The following GLE1 variants were observed in gnomAD, a reference collection of about 807,000 sequenced individuals.
GLE1 encodes GLE1 RNA export mediator, also known as mRNA export factor GLE1.
In GLE1, 78 loss-of-function variants were observed where a neutral mutation model predicts 97.3. That is an observed-to-expected ratio of 0.80 (90% CI 0.67 to 0.97). GLE1 has a LOEUF of 0.97. GLE1 is among the 50% of genes least tolerant of loss of function. The pLI, the probability that GLE1 is intolerant of heterozygous loss-of-function variation, is 0.00. For synonymous variants in GLE1, 302 were observed against 313.4 expected (o/e 0.96, Z 0.39); for missense variants, 753 against 857.5 (o/e 0.88, Z 1.52).
intron 3 of GLE1, among the ~76,000 whole-genome samples, chr9:128,520,283 T>C (rs1847105092): frequency 6.7e-6 from 1 of 150,172 alleles, no homozygotes; most frequent in Non-Finnish European, 1.5e-5. Flanking sequence ...TATATGTGTG[T>C]ATATATATGT....
rs748234813 is a variant in GLE1, at chr9:128,533,784, C to A, written c.1479C>A (p.Ala493=). The A allele has an allele frequency of 4.1e-5, 66 of 1,613,988 alleles. 1 individual carries two copies. In the South Asian group the frequency reaches 6.1e-4, roughly 15 times the overall value. ...AGAAACAAGGCGAGGAGGAAGTGGC[C>A]TCTCACCATGAAGCAGCATTCCCCA... is the stretch of plus-strand genomic sequence containing the variant. The part of the protein sequence containing the change: ...KFVKQGEEEV[A]SHHEAAFPIA... The change falls in exon 11 of 16, where the codon GCC becomes GCA. Residue 493 remains alanine, a synonymous_variant. Coordinates refer to ENST00000309971, the MANE Select transcript of GLE1 (RefSeq NM_001003722.2).
At chr9:128,535,698 T>C (rs979001935) in intron 11 of GLE1, among the ~76,000 whole-genome samples, 1 of 151,984 alleles carries the variant, frequency 6.6e-6, no homozygotes, top group East Asian at 1.9e-4. Flanking sequence ...GGCAGGTGCC[T>C]TAATCACAGC....
intron 2 of GLE1, among the ~76,000 whole-genome samples, chr9:128,509,811 T>G (rs1049095962): frequency 2.6e-5 from 4 of 151,584 alleles, no homozygotes; most frequent in Non-Finnish European, 5.9e-5. Context: ...ACTTAAAAAT[T>G]GGCTAGGCAT....
intron 3 of GLE1, among the ~76,000 whole-genome samples, chr9:128,521,523 G>C (rs1847151896): frequency 6.6e-6 from 1 of 152,090 alleles, no homozygotes; most frequent in Non-Finnish European, 1.5e-5. Context: ...GACAGGGTGA[G>C]ACCCTGTCTC....
Position 128,533,925 on chromosome 9 carries a change from G to T in GLE1, c.1620G>T (p.Glu540Asp). Residue 540 changes from glutamate to aspartate, a missense_variant, in exon 11 of 16, where the codon GAG becomes GAT. By Grantham distance (45) the Glu-to-Asp change is conservative (BLOSUM62 2). Coordinates refer to ENST00000309971, the MANE Select transcript of GLE1 (RefSeq NM_001003722.2). ...YSVPFYPTFKEGMALEDYQRM... is the reference protein window; with the variant it reads ...YSVPFYPTFKDGMALEDYQRM... ...TTCCTTTCTATCCCACTTTCAAGGA[G>T]GGAATGGCTTTGGAAGACTATCAGA... is the stretch of plus-strand genomic sequence containing the variant. 1 of 1,612,554 alleles carries T rather than the reference G, an allele frequency of 6.2e-7. No individual in the cohort carries two copies. The highest frequency in any genetic ancestry group is 8.5e-7 in the Non-Finnish European group (1 of 1,178,560).
At chr9:128,527,808 A>G (rs911316177) in intron 9 of GLE1, among the ~76,000 whole-genome samples, 2 of 151,570 alleles carry the variant, frequency 1.3e-5, no homozygotes, top group Non-Finnish European at 2.9e-5. Context: ...TACTAAAAAT[A>G]CAAATACTAG....
intron 14 of GLE1, chr9:128,540,001 C>A: frequency 1.4e-6 from 1 of 708,164 alleles, no homozygotes; most frequent in South Asian, 1.9e-5. Flanking sequence ...AGGAGGATCA[C>A]TTGAGCCCAG....
At chr9:128,533,680 A>G in intron 10 of GLE1, 25 bp downstream of exon 10, 1 of 1,613,760 alleles carries the variant, frequency 6.2e-7, no homozygotes. Flanking sequence ...TGCTAGAGGT[A>G]TGGGAAGCAG....
At position 128,533,595 on chromosome 9, in the gene GLE1, T is replaced by C. The variant is rs1847595565; in HGVS notation, c.1395T>C (p.Ser465=). Residue 465 remains serine (S), a synonymous_variant, in exon 10 of 16, where the codon TCT becomes TCC. Transcript: ENST00000309971. ...TTCAATCTGGTGGGCGCTCTGTGTC[T>C]GTCACACTTAACCCACAGGGGCTGG... ...KPVQSGGRSV[S]VTLNPQGLDF... 1.2e-6 allele frequency: 2 copies of C among 1,613,912 alleles called. No individual in the cohort carries two copies. Among genetic ancestry groups the C allele is most frequent in the Admixed American group, 3.3e-5 (2 of 59,990 alleles).
chr9:128,511,436 A>G lies in GLE1; in HGVS notation c.321+2339A>G, dbSNP rs188631882. ...TATAAAAATTAACTTGGCCGGGTGCAGTGGCTCACGCCTGTAATCCCAGCA... is the reference window on the plus strand; with the variant it reads ...TATAAAAATTAACTTGGCCGGGTGCGGTGGCTCACGCCTGTAATCCCAGCA... On this transcript the variant is annotated intron_variant, in intron 2 of 15. Transcript: ENST00000309971. Among the ~76,000 whole-genome samples, 1,287 of 150,670 alleles carry G rather than the reference A, an allele frequency of 8.5e-3. 7 individuals carry two copies. Among genetic ancestry groups the G allele is most frequent in the Non-Finnish European group, 0.011 (752 of 67,548 alleles).
chr9:128,530,840 C>T (rs2132492367), intron 9 of GLE1, among the ~76,000 whole-genome samples: 1 of 148,642 alleles, frequency 6.7e-6, no homozygotes, highest in Admixed American at 6.8e-5. Flanking sequence ...ACCCGGGAGG[C>T]GGAGCTTGCA....
intron 11 of GLE1, among the ~76,000 whole-genome samples, chr9:128,534,836 AG>A (rs2079103058): frequency 6.6e-6 from 1 of 151,698 alleles, no homozygotes; most frequent in Non-Finnish European, 1.5e-5. Flanking sequence ...ATCCTGCCTC[AG>A]CCTCCCGAGT....
At chr9:128,505,820 A>G (rs1846624983) in intron 1 of GLE1, among the ~76,000 whole-genome samples, 1 of 152,004 alleles carries the variant, frequency 6.6e-6, no homozygotes, top group Admixed American at 6.6e-5. Flanking sequence ...TTCTGGGCAA[A>G]CCTTAATCCT....
chr9:128,517,443 T>A (rs1382768013), intron 3 of GLE1, among the ~76,000 whole-genome samples: 3 of 152,154 alleles, frequency 2.0e-5, no homozygotes, highest in Non-Finnish European at 4.4e-5. Flanking sequence ...TATATTGTGG[T>A]GGGAAGAGAC....
At chr9:128,527,789 C>A (rs1003054164) in intron 9 of GLE1, among the ~76,000 whole-genome samples, 6 of 151,618 alleles carry the variant, frequency 4.0e-5, no homozygotes, top group African/African-American at 4.8e-5. Context: ...CATAGTGAAA[C>A]CCTGTCTCTA....
intron 3 of GLE1, 23 bp from the exon 4 acceptor site, chr9:128,522,635 TAAAAAAAAAA>T (rs60154464): frequency 2.4e-6 from 3 of 1,266,978 alleles, no homozygotes; most frequent in African/African-American, 4.2e-5. Context: ...GATTCCATCT[TAAAAAAAAAA>T]AAAAAAAAAA....
At chr9:128,532,874 T>C (rs1489712865) in intron 9 of GLE1, among the ~76,000 whole-genome samples, 1 of 152,182 alleles carries the variant, frequency 6.6e-6, no homozygotes, top group African/African-American at 2.4e-5. Flanking sequence ...TCTGTGTCTC[T>C]GAGGACGGAA....
intron 3 of GLE1, among the ~76,000 whole-genome samples, chr9:128,519,301 G>A (rs190360047): frequency 1.1e-3 from 173 of 152,330 alleles, no homozygotes; most frequent in African/African-American, 3.9e-3. Flanking sequence ...TCTGACCGCC[G>A]GTGAGCTGGG....
Position 128,527,441 on chromosome 9 carries a change from G to A in GLE1, c.1243-15G>A. 6.3e-7 allele frequency: 1 copy of A among 1,599,732 alleles called. No homozygotes were observed. The highest frequency in any genetic ancestry group is 8.6e-7 in the Non-Finnish European group (1 of 1,167,114). ...CTCTTCAGAACACTGCTTTCTCACT[G>A]TTCTCTTCTGGCAGGCCAAAAAGAT... On this transcript the variant is annotated splice_polypyrimidine_tract_variant and intron_variant, in intron 8 of 15. Coordinates refer to ENST00000309971, the MANE Select transcript of GLE1 (RefSeq NM_001003722.2).
Sources: allele counts gnomAD v4.1 joint callset (sites outside exome capture counted in the v4.1 genomes callset), GRCh38; gene constraint gnomAD v4.1.1; transcripts MANE v1.5; gene names NCBI Gene and HGNC (gene_info 2026-07-23, HGNC 2026-07-21).